Variants in SPTBN1 observed in about 807,000 individuals in gnomAD.
The protein encoded by SPTBN1 is spectrin beta chain, non-erythrocytic 1.
Under a neutral mutation model 266.4 loss-of-function variants are expected in SPTBN1, and 32 were observed. The observed-to-expected ratio is 0.12, with a 90% CI of 0.09 to 0.16. The LOEUF is 0.16. Ranked by LOEUF, SPTBN1 falls within the 10% of genes least tolerant of loss-of-function variation. The probability of loss-of-function intolerance (pLI) is 1.00; values close to 1 mark genes in which losing one functional copy is unlikely to be tolerated. For synonymous variants in SPTBN1, 1,336 were observed against 1,162.2 expected (o/e 1.15, Z -3.04); for missense variants, 2,296 against 3,067.1 (o/e 0.75, Z 5.94).
chr2:54,628,477 G>A lies in SPTBN1; in HGVS notation c.1798+227G>A, dbSNP rs1294522908. Among the ~76,000 whole-genome samples, 1 of 152,156 alleles carries A rather than the reference G, an allele frequency of 6.6e-6. No individual in the cohort carries two copies. The highest frequency in any genetic ancestry group is 1.5e-5 in the Non-Finnish European group (1 of 68,036). ...GCAAATGCTGCCTTTGCTTTGAGTG[G>A]CTTGGTGTTTGGCAGTGAGACTTTG... On this transcript the variant is annotated intron_variant, in intron 13 of 35. Coordinates refer to ENST00000356805, the MANE Select transcript of SPTBN1 (RefSeq NM_003128.3). This position sits in a 1 kb window ranked among gnomAD's most constrained non-coding sequence, Gnocchi z 4.3.
intron 2 of SPTBN1, among the ~76,000 whole-genome samples, chr2:54,579,490 C>T (rs1460035087): frequency 6.6e-6 from 1 of 152,200 alleles, no homozygotes; most frequent in African/African-American, 2.4e-5. Flanking sequence ...GGTAGTTCGT[C>T]TCTGTATTGG....
At position 54,631,547 on chromosome 2, in the gene SPTBN1, A is replaced by G. The variant is rs1678732394; in HGVS notation, c.3500A>G (p.Gln1167Arg). Reference sequence around the variant, plus strand: ...GAGAACAGACAAAATCTCCTATCCCAGTCACATGCCTACCAGCAGTTCCTC... The same window carrying G: ...GAGAACAGACAAAATCTCCTATCCCGGTCACATGCCTACCAGCAGTTCCTC... ...MWENRQNLLS[Q>R]SHAYQQFLRD... is the part of the protein sequence containing the mutation. Residue 1167 changes from glutamine (Q) to arginine (R), a missense_variant, in exon 16 of 36, where the codon CAG becomes CGG. By Grantham distance (43) the Gln-to-Arg change is conservative (BLOSUM62 1). This residue lies in a region of SPTBN1 where 386 missense variants were observed against 486.1 expected (regional missense o/e 0.79). Transcript: ENST00000356805. 6.2e-7 allele frequency: 1 copy of G among 1,614,076 alleles called. No individual in the cohort carries two copies. Among genetic ancestry groups the G allele is most frequent in the Non-Finnish European group, 8.5e-7 (1 of 1,180,044 alleles).
At chr2:54,611,169 A>G (rs1472778819) in intron 3 of SPTBN1, among the ~76,000 whole-genome samples, 1 of 152,224 alleles carries the variant, frequency 6.6e-6, no homozygotes. Context: ...TAACATCTAT[A>G]TATATTTTAT....
chr2:54,499,598 A>G (rs887502818), intron 1 of SPTBN1, among the ~76,000 whole-genome samples: 21 of 152,390 alleles, frequency 1.4e-4, no homozygotes, highest in Middle Eastern at 3.4e-3. Flanking sequence ...AGCCACTGAC[A>G]TAAGAAAAAC....
At chr2:54,473,128 G>A (rs115747268) in intron 1 of SPTBN1, among the ~76,000 whole-genome samples, 1 of 151,944 alleles carries the variant, frequency 6.6e-6, no homozygotes, top group African/African-American at 2.4e-5. Flanking sequence ...GTCACTTTCC[G>A]TATTTTACAT....
At chr2:54,483,845 C>T (rs891494432) in intron 1 of SPTBN1, among the ~76,000 whole-genome samples, 6 of 152,144 alleles carry the variant, frequency 3.9e-5, no homozygotes, top group African/African-American at 1.4e-4. Flanking sequence ...GACCTTATTG[C>T]CTTCTTGCTT....
At chr2:54,461,732 G>A (rs1693379801) in intron 1 of SPTBN1, among the ~76,000 whole-genome samples, 1 of 152,168 alleles carries the variant, frequency 6.6e-6, no homozygotes, top group Non-Finnish European at 1.5e-5. Flanking sequence ...TCTTCGTTTT[G>A]TGAAGTACCT....
chr2:54,657,557 GT>G (rs1483126821), intron 29 of SPTBN1, among the ~76,000 whole-genome samples: 3 of 152,138 alleles, frequency 2.0e-5, no homozygotes, highest in Non-Finnish European at 4.4e-5. Context: ...GATCTCAATA[GT>G]TTTTTTCATA....
chr2:54,622,812 A>T (rs1470852083), intron 9 of SPTBN1, among the ~76,000 whole-genome samples: 1 of 152,190 alleles, frequency 6.6e-6, no homozygotes, highest in Non-Finnish European at 1.5e-5. Context: ...AAAAAACAGC[A>T]CAGCTCATAT....
At position 54,629,117 on chromosome 2, in the gene SPTBN1, G is replaced by A. The variant is rs990468100; in HGVS notation, c.1983G>A (p.Leu661=). The A allele has an allele frequency of 6.2e-7, 1 of 1,613,650 alleles. No individual in the cohort carries two copies. Among genetic ancestry groups the A allele is most frequent in the South Asian group, 1.1e-5 (1 of 91,088 alleles). Residue 661 remains leucine (L), a synonymous_variant, in exon 14 of 36, where the codon CTG becomes CTA. Transcript: ENST00000356805. ...EGWIREKEKI[L]SSDDYGKDLT... ...GGATACGGGAGAAGGAGAAGATCCTGTCCTCGGACGATTACGGGAAAGACC... is the reference window on the plus strand; with the variant it reads ...GGATACGGGAGAAGGAGAAGATCCTATCCTCGGACGATTACGGGAAAGACC...
chr2:54,653,879 T>C lies in SPTBN1; in HGVS notation c.5822+26T>C. 1 of 1,596,206 alleles carries C rather than the reference T, an allele frequency of 6.3e-7. No individual in the cohort carries two copies. The highest frequency in any genetic ancestry group is 1.4e-5 in the African/African-American group (1 of 73,412). On this transcript the variant is annotated intron_variant, in intron 27 of 35. Transcript: ENST00000356805. The surrounding 1 kb of genome is among the most constrained non-coding windows in gnomAD (Gnocchi z 5.1). The stretch of plus-strand genomic sequence containing the variant: ...GTAACGCTTTCAGCCCAAAGGAAAT[T>C]GGACTTATTGGCGCTTGGTTAAAAC...
At chr2:54,656,127 C>T (rs947624050) in intron 29 of SPTBN1, 129 bp downstream of exon 29, 1 of 696,642 alleles carries the variant, frequency 1.4e-6, no homozygotes, top group South Asian at 1.9e-5. Flanking sequence ...TTTTAGTGCC[C>T]CGTTTCACCA....
chr2:54,584,218 CTT>C (rs1675134546), intron 2 of SPTBN1, among the ~76,000 whole-genome samples: 1 of 152,118 alleles, frequency 6.6e-6, no homozygotes, highest in South Asian at 2.1e-4. Flanking sequence ...TTTCCTTACT[CTT>C]TTTAATGCAT....
chr2:54,551,399 TG>T (rs1672556454), intron 2 of SPTBN1, among the ~76,000 whole-genome samples: 1 of 152,264 alleles, frequency 6.6e-6, no homozygotes, highest in African/African-American at 2.4e-5. Flanking sequence ...ACCACCTGTT[TG>T]GCAAAGCCAG....
chr2:54,595,551 C>T (rs974236847), intron 2 of SPTBN1, among the ~76,000 whole-genome samples: 6 of 152,364 alleles, frequency 3.9e-5, no homozygotes, highest in South Asian at 2.1e-4. Flanking sequence ...AGACCCAGCC[C>T]GCCCCAGCTC....
intron 2 of SPTBN1, among the ~76,000 whole-genome samples, chr2:54,573,547 G>A (rs900006405): frequency 6.6e-6 from 1 of 152,114 alleles, no homozygotes; most frequent in African/African-American, 2.4e-5. Flanking sequence ...TGGGGGTTGG[G>A]GACCCCTGAC....
intron 4 of SPTBN1, among the ~76,000 whole-genome samples, chr2:54,615,865 G>T (rs557134758): frequency 6.6e-6 from 1 of 152,330 alleles, no homozygotes; most frequent in African/African-American, 2.4e-5. Flanking sequence ...ACCGAACTCA[G>T]TATTTTTCTG....
chr2:54,643,049 C>G lies in SPTBN1; in HGVS notation c.3925C>G (p.Leu1309Val). ...CATGTCTTACGATGAAGCCAGAAAT[C>G]TGCACAGTAAATGGTTGAAGCATCA... ...QDMSYDEARN[L>V]HSKWLKHQAF... Residue 1309 changes from leucine (L) to valine (V), a missense_variant, in exon 19 of 36, where the codon CTG (leucine) becomes GTG (valine). Physicochemically the swap from Leu to Val is conservative, Grantham distance 32. Transcript: ENST00000356805. The G allele has an allele frequency of 6.2e-7, 1 of 1,614,104 alleles. No homozygotes were observed. Among genetic ancestry groups the G allele is most frequent in the South Asian group, 1.1e-5 (1 of 91,076 alleles).
chr2:54,509,868 G>A (rs891709624), intron 1 of SPTBN1, among the ~76,000 whole-genome samples: 11 of 152,002 alleles, frequency 7.2e-5, no homozygotes, highest in African/African-American at 4.8e-5. Flanking sequence ...GATGGCTGCC[G>A]CCTCACTGTG....
Sources: allele counts gnomAD v4.1 joint callset (sites outside exome capture counted in the v4.1 genomes callset), GRCh38; gene constraint gnomAD v4.1.1; regional missense constraint gnomAD v4.1.1; non-coding constraint Gnocchi (gnomAD v3.1); transcripts MANE v1.5; gene names NCBI Gene and HGNC (gene_info 2026-07-23, HGNC 2026-07-21).